RASGRF2: variants seen among roughly 807,000 people sequenced by gnomAD.
The protein encoded by RASGRF2 is ras-specific guanine nucleotide-releasing factor 2.
Under a neutral mutation model 151.0 loss-of-function variants are expected in RASGRF2, and 76 were observed. The ratio of observed to expected loss-of-function variants is 0.50; its 90% CI spans 0.42 to 0.61. The LOEUF (loss-of-function observed/expected upper bound fraction) is 0.61, where lower values mean the gene tolerates loss of function less well. Among genes scored for constraint, RASGRF2 ranks in the 20% least tolerant of loss-of-function variants. The pLI, the probability that RASGRF2 is intolerant of heterozygous loss-of-function variation, is 0.00. For synonymous variants in RASGRF2, 504 were observed against 566.5 expected, an observed-to-expected ratio of 0.89 and a Z score of 1.57; for missense variants, 1,148 against 1,564.6, an observed-to-expected ratio of 0.73 and a Z score of 4.49.
intron 1 of RASGRF2, among the ~76,000 whole-genome samples, chr5:80,989,731 C>G (rs1261336993): frequency 6.6e-6 from 1 of 152,144 alleles, no homozygotes; most frequent in East Asian, 1.9e-4. Context: ...CATTTTGAAG[C>G]CTGGGCTTCA....
intron 17 of RASGRF2, among the ~76,000 whole-genome samples, chr5:81,138,038 A>T (rs192129586): frequency 2.8e-5 from 4 of 141,760 alleles, no homozygotes; most frequent in African/African-American, 8.1e-5. Flanking sequence ...AAATTCCTTC[A>T]ATGCCCTTTT....
intron 18 of RASGRF2, among the ~76,000 whole-genome samples, chr5:81,189,623 T>C (rs1318014572): frequency 2.6e-5 from 4 of 151,784 alleles, no homozygotes; most frequent in African/African-American, 9.7e-5. Flanking sequence ...CCTCCCAAAG[T>C]GCTGGGATTA....
chr5:81,027,443 C>T (rs558965638), intron 1 of RASGRF2, among the ~76,000 whole-genome samples: 1 of 152,288 alleles, frequency 6.6e-6, no homozygotes, highest in Admixed American at 6.5e-5. Context: ...ACTCCTCACC[C>T]ATTAGCAGTC....
In RASGRF2 at chr5:81,172,818, A is replaced by G. The variant is rs148090522; in HGVS notation, c.2687-7357A>G. Among the ~76,000 whole-genome samples, 406 of 152,232 alleles carry G rather than the reference A, an allele frequency of 2.7e-3. 3 individuals are homozygous for G. Among genetic ancestry groups the G allele is most frequent in the African/African-American group, 9.4e-3 (391 of 41,548 alleles). Reference sequence around the variant, plus strand: ...TCGGATAGAAACTTCCTCTATCTTCAGTGGAAGTTTCCAGAAAGAATGCCC... The same window carrying G: ...TCGGATAGAAACTTCCTCTATCTTCGGTGGAAGTTTCCAGAAAGAATGCCC... On this transcript the variant is annotated intron_variant, in intron 17 of 26. Coordinates refer to ENST00000265080, the MANE Select transcript of RASGRF2 (RefSeq NM_006909.3).
At chr5:80,995,842 A>G (rs573272768) in intron 1 of RASGRF2, among the ~76,000 whole-genome samples, 1 of 151,850 alleles carries the variant, frequency 6.6e-6, no homozygotes, top group African/African-American at 2.4e-5. Context: ...ACAGGCATGT[A>G]CCATCAAGCC....
At chr5:80,994,515 T>G (rs991410062) in intron 1 of RASGRF2, among the ~76,000 whole-genome samples, 2 of 152,202 alleles carry the variant, frequency 1.3e-5, no homozygotes, top group African/African-American at 4.8e-5. Context: ...AAGATAGTTT[T>G]CAGGCTGGAG....
At chr5:81,066,858 G>T (rs1033761030) in intron 2 of RASGRF2, among the ~76,000 whole-genome samples, 1 of 152,214 alleles carries the variant, frequency 6.6e-6, no homozygotes, top group African/African-American at 2.4e-5. Flanking sequence ...GGTCATGAGG[G>T]CAGCTTTTGT....
At chr5:81,073,523 A>G in intron 5 of RASGRF2, 71 bp downstream of exon 5, 1 of 1,480,908 alleles carries the variant, frequency 6.8e-7, no homozygotes, top group Non-Finnish European at 9.1e-7. Context: ...TTTTTACTTA[A>G]TCTTTAAAAG....
chr5:81,062,475 GT>G (rs1253546494), intron 2 of RASGRF2, among the ~76,000 whole-genome samples: 1 of 152,050 alleles, frequency 6.6e-6, no homozygotes, highest in East Asian at 1.9e-4. Flanking sequence ...TGTTTTCATT[GT>G]TTTTTCTTTT....
chr5:81,156,311 AATCT>A (rs1165134753), intron 17 of RASGRF2, among the ~76,000 whole-genome samples: 1 of 152,208 alleles, frequency 6.6e-6, no homozygotes, highest in East Asian at 1.9e-4. Context: ...TCCTTCACAA[AATCT>A]TCCAGAAAAT....
intron 19 of RASGRF2, among the ~76,000 whole-genome samples, chr5:81,204,788 A>G (rs980727977): frequency 6.6e-6 from 1 of 152,240 alleles, no homozygotes; most frequent in African/African-American, 2.4e-5. Context: ...TAGCATCAAC[A>G]GGAAGGCATA....
intron 1 of RASGRF2, among the ~76,000 whole-genome samples, chr5:81,001,374 T>C (rs1749075402): frequency 6.6e-6 from 1 of 152,196 alleles, no homozygotes; most frequent in Non-Finnish European, 1.5e-5. Context: ...CAGGCCTGTG[T>C]TCCTGAAGGA....
intron 17 of RASGRF2, among the ~76,000 whole-genome samples, chr5:81,137,482 G>A (rs1684576887): frequency 6.6e-6 from 1 of 152,142 alleles, no homozygotes; most frequent in Admixed American, 6.6e-5. Context: ...TCTGATGCTT[G>A]CTTTATATCT....
chr5:81,022,831 AG>A (rs34752656), intron 1 of RASGRF2, among the ~76,000 whole-genome samples: 14,953 of 152,206 alleles, frequency 0.098, 883 homozygotes, highest in African/African-American at 0.16. Context: ...TAGATTGGAA[AG>A]TGTTTCACCG....
chr5:81,110,876 C>A (rs1752974021), intron 13 of RASGRF2, among the ~76,000 whole-genome samples: 1 of 152,138 alleles, frequency 6.6e-6, no homozygotes, highest in East Asian at 1.9e-4. Flanking sequence ...TCAAGAATCT[C>A]AAAAGATGCA....
At chr5:81,109,845 A>G (rs1020209487) in intron 13 of RASGRF2, among the ~76,000 whole-genome samples, 4 of 152,192 alleles carry the variant, frequency 2.6e-5, no homozygotes, top group Non-Finnish European at 5.9e-5. Context: ...GTGACACTTA[A>G]TGAACTGGAA....
chr5:81,173,075 C>T (rs879124370), intron 17 of RASGRF2, among the ~76,000 whole-genome samples: 1 of 152,102 alleles, frequency 6.6e-6, no homozygotes, highest in Admixed American at 6.5e-5. Context: ...AACTGTACTC[C>T]ATTAAGATAG....
intron 1 of RASGRF2, among the ~76,000 whole-genome samples, chr5:81,018,375 C>G (rs1488288846): frequency 1.3e-5 from 2 of 152,140 alleles, no homozygotes; most frequent in Non-Finnish European, 2.9e-5. Context: ...TTCTCTCTCT[C>G]CCATTTGCTA....
rs545462751 is a variant in RASGRF2, at chr5:81,105,291, T to C, written c.1756-3705T>C. ...CCAATTCCTGTATTCCCCAGGGGTT[T>C]GGACTATGAATCCCTAAGAAACAGG... On this transcript the variant is annotated intron_variant, in intron 12 of 26. Coordinates refer to ENST00000265080, the MANE Select transcript of RASGRF2 (RefSeq NM_006909.3). Among the ~76,000 whole-genome samples, 7 of 152,256 alleles carry C rather than the reference T, an allele frequency of 4.6e-5. No individual in the cohort carries two copies. In the East Asian group the frequency reaches 1.4e-3, roughly 29 times the overall value.
Sources: allele counts gnomAD v4.1 joint callset (sites outside exome capture counted in the v4.1 genomes callset), GRCh38; gene constraint gnomAD v4.1.1; transcripts MANE v1.5; gene names NCBI Gene and HGNC (gene_info 2026-07-23, HGNC 2026-07-21).